The following DIAPH3 variants were observed in gnomAD, a reference collection of about 807,000 sequenced individuals.
DIAPH3 encodes diaphanous related formin 3.
Under a neutral mutation model 144.3 loss-of-function variants are expected in DIAPH3, and 117 were observed. The observed-to-expected ratio is 0.81, with a 90% CI of 0.70 to 0.95. The LOEUF is 0.95. Among genes scored for constraint, DIAPH3 ranks in the 40% least tolerant of loss-of-function variants. DIAPH3 has a pLI of 0.00. For synonymous variants in DIAPH3, 519 were observed against 488.9 expected (o/e 1.06, Z -0.81); for missense variants, 1,421 against 1,412.7 (o/e 1.01, Z -0.09).
chr13:60,142,039 T>A (rs1054373203), intron 1 of DIAPH3, among the ~76,000 whole-genome samples: 1 of 152,332 alleles, frequency 6.6e-6, no homozygotes, highest in South Asian at 2.1e-4. Context: ...CAAGGGAGCT[T>A]GTTGGCTCCA....
At chr13:59,996,028 C>G (rs2052168803) in intron 9 of DIAPH3, among the ~76,000 whole-genome samples, 2 of 151,898 alleles carry the variant, frequency 1.3e-5, no homozygotes, top group Non-Finnish European at 2.9e-5. Context: ...TTGTGGTGTC[C>G]TGGAAGTATG....
intron 24 of DIAPH3, among the ~76,000 whole-genome samples, chr13:59,821,520 G>A (rs754402472): frequency 1.4e-4 from 21 of 152,036 alleles, no homozygotes; most frequent in Non-Finnish European, 2.8e-4. Flanking sequence ...AGTCACCAAA[G>A]TCTGTCAGAA....
chr13:59,792,589 G>T (rs2039385655), intron 25 of DIAPH3, among the ~76,000 whole-genome samples: 1 of 152,088 alleles, frequency 6.6e-6, no homozygotes, highest in Admixed American at 6.6e-5. Context: ...ACCCAGAGCT[G>T]TTTTACTTCC....
intron 18 of DIAPH3, among the ~76,000 whole-genome samples, chr13:59,918,001 G>A (rs1302639611): frequency 6.6e-6 from 1 of 150,500 alleles, no homozygotes; most frequent in Non-Finnish European, 1.5e-5. Flanking sequence ...TGAAGATGGT[G>A]AAGTAGGGCT....
chr13:60,137,184 C>G (rs1345937848), intron 1 of DIAPH3, among the ~76,000 whole-genome samples: 1 of 152,122 alleles, frequency 6.6e-6, no homozygotes, highest in African/African-American at 2.4e-5. Flanking sequence ...TCAAGAGGGT[C>G]ACTCTGGAAT....
At chr13:60,153,994 C>G (rs1162701137) in intron 1 of DIAPH3, among the ~76,000 whole-genome samples, 1 of 152,028 alleles carries the variant, frequency 6.6e-6, no homozygotes, top group Non-Finnish European at 1.5e-5. Context: ...TTGCTCTGAC[C>G]ATTCAGTCAT....
At chr13:59,728,384 G>A (rs904765885) in intron 27 of DIAPH3, among the ~76,000 whole-genome samples, 7 of 151,352 alleles carry the variant, frequency 4.6e-5, no homozygotes, top group Non-Finnish European at 1.0e-4. Context: ...GAAATAATTA[G>A]GAAAAAGAAC....
intron 18 of DIAPH3, among the ~76,000 whole-genome samples, chr13:59,922,931 A>G (rs999711971): frequency 6.6e-6 from 1 of 152,128 alleles, no homozygotes; most frequent in South Asian, 2.1e-4. Flanking sequence ...AAAATGAGCA[A>G]TCTTATTGAA....
chr13:60,163,769 T>G lies in DIAPH3; in HGVS notation c.-3A>C. ...AGCCGCGGCTGGTGCCGTTCCATCT[T>G]TCCCCGCAGCTCCGGGGACCGGAAA... On this transcript the variant is annotated 5_prime_UTR_variant, in exon 1 of 28. Coordinates refer to ENST00000400324, the MANE Select transcript of DIAPH3 (RefSeq NM_001042517.2). 6.3e-7 allele frequency: 1 copy of G among 1,574,884 alleles called. No individual in the cohort carries two copies.
At chr13:59,769,284 A>G (rs2038004578) in intron 27 of DIAPH3, among the ~76,000 whole-genome samples, 1 of 152,146 alleles carries the variant, frequency 6.6e-6, no homozygotes, top group African/African-American at 2.4e-5. Context: ...AACAATCAAG[A>G]AAAGAAAAAG....
chr13:60,134,278 T>C (rs1343245848), intron 1 of DIAPH3, among the ~76,000 whole-genome samples: 1 of 152,240 alleles, frequency 6.6e-6, no homozygotes. Flanking sequence ...AAGGAAGTAA[T>C]AATAGTGGAT....
At chr13:59,865,910 T>C (rs1289054880) in intron 21 of DIAPH3, among the ~76,000 whole-genome samples, 1 of 152,034 alleles carries the variant, frequency 6.6e-6, no homozygotes, top group Non-Finnish European at 1.5e-5. Context: ...TCCCTTCCTG[T>C]TTGAAATAAT....
intron 21 of DIAPH3, among the ~76,000 whole-genome samples, chr13:59,864,571 T>C (rs913513176): frequency 3.9e-5 from 6 of 152,090 alleles, no homozygotes; most frequent in African/African-American, 1.4e-4. Context: ...GATTAACGTA[T>C]CAAGAAATCT....
At chr13:59,891,046 T>G (rs1049182283) in intron 20 of DIAPH3, among the ~76,000 whole-genome samples, 2 of 151,988 alleles carry the variant, frequency 1.3e-5, no homozygotes, top group African/African-American at 4.8e-5. Context: ...GTGATTTAGT[T>G]CCATAAGTCC....
chr13:59,971,164 G>T lies in DIAPH3; in HGVS notation c.1651-4C>A, dbSNP rs1464293638. ...AATCAGCTGGCAAGGCACCAAACTG[G>T]AGAAAAAAACAATAAGAGACATAAC... On this transcript the variant is annotated splice_region_variant and splice_polypyrimidine_tract_variant and intron_variant, in intron 15 of 27. Transcript: ENST00000400324. 1 of 1,562,470 alleles carries T rather than the reference G, an allele frequency of 6.4e-7. No individual in the cohort carries two copies.
intron 27 of DIAPH3, among the ~76,000 whole-genome samples, chr13:59,710,932 T>C (rs2034700224): frequency 6.6e-6 from 1 of 152,212 alleles, no homozygotes; most frequent in Non-Finnish European, 1.5e-5. Flanking sequence ...ATGAGTTTCT[T>C]CTGTCAAAAA....
At chr13:59,929,692 A>G (rs187916468) in intron 17 of DIAPH3, among the ~76,000 whole-genome samples, 1 of 148,244 alleles carries the variant, frequency 6.7e-6, no homozygotes, top group East Asian at 2.0e-4. Context: ...CCTCCTGAGT[A>G]GCTGGGATTT....
At chr13:59,981,148 C>T (rs538581143) in intron 13 of DIAPH3, among the ~76,000 whole-genome samples, 3 of 150,420 alleles carry the variant, frequency 2.0e-5, no homozygotes, top group Non-Finnish European at 4.5e-5. Flanking sequence ...ATCACCAACT[C>T]GTACATATTT....
intron 17 of DIAPH3, among the ~76,000 whole-genome samples, chr13:59,942,909 T>C (rs143357512): frequency 6.6e-6 from 1 of 152,204 alleles, no homozygotes; most frequent in East Asian, 1.9e-4. Flanking sequence ...CCTGGTACCA[T>C]AATTTGGCTA....
Sources: allele counts gnomAD v4.1 joint callset (sites outside exome capture counted in the v4.1 genomes callset), GRCh38; gene constraint gnomAD v4.1.1; transcripts MANE v1.5; gene names NCBI Gene and HGNC (gene_info 2026-07-23, HGNC 2026-07-21).